Variants in RBM39 observed in about 807,000 individuals in gnomAD.
The protein encoded by RBM39 is RNA-binding protein 39.
In RBM39, 12 loss-of-function variants were observed where a neutral mutation model predicts 79.6. The ratio of observed to expected loss-of-function variants is 0.15; its 90% CI spans 0.10 to 0.24. RBM39 has a LOEUF of 0.24. Among genes scored for constraint, RBM39 ranks in the 10% least tolerant of loss-of-function variants. RBM39 has a pLI of 1.00. For missense variants in RBM39, 243 were observed against 653.4 expected, an observed-to-expected ratio of 0.37 and a Z score of 6.85; for synonymous variants, 185 against 208.4, an observed-to-expected ratio of 0.89 and a Z score of 0.97.
chr20:35,727,648 G>GTTT (rs773616534), intron 6 of RBM39, among the ~76,000 whole-genome samples: 1,971 of 134,486 alleles, frequency 0.015, 65 homozygotes, highest in African/African-American at 0.053. Context: ...GCTAATTTTT[G>GTTT]TATTTTTTTT....
At chr20:35,729,653 A>T (rs1245899622) in intron 4 of RBM39, 126 bp from the exon 5 acceptor site, 38 of 802,730 alleles carry the variant, frequency 4.7e-5, no homozygotes, top group Admixed American at 2.8e-4. Flanking sequence ...TATGAAGAGG[A>T]AACAAAAATA....
rs928712010 is a variant in RBM39 at position 35,712,890 on chromosome 20, C to T, written c.1174+129G>A. On this transcript the variant is annotated intron_variant, in intron 12 of 16. Coordinates refer to ENST00000253363, the MANE Select transcript of RBM39 (RefSeq NM_184234.3). Reference sequence around the variant, plus strand: ...TGTCTCCACTTCCTTAAATAGAAGACTACAAACTAACAGGCTATAAGTACT... The same window carrying T: ...TGTCTCCACTTCCTTAAATAGAAGATTACAAACTAACAGGCTATAAGTACT... 1.3e-4 allele frequency: 89 copies of T among 668,540 alleles called. No homozygotes were observed. The African/African-American group carries it at 1.5e-3, about 11-fold the overall frequency. 41.4% of individuals were successfully genotyped at this position (668,540 alleles called of 1,614,324 possible).
At chr20:35,726,427 G>A (rs1383425825) in intron 6 of RBM39, among the ~76,000 whole-genome samples, 1 of 152,120 alleles carries the variant, frequency 6.6e-6, no homozygotes, top group African/African-American at 2.4e-5. Context: ...CACCACGCCT[G>A]GCCCAAAAAG....
Position 35,742,254 on chromosome 20 carries a change from C to T in RBM39, c.-327G>A, listed in dbSNP as rs1473806409. On this transcript the variant is annotated 5_prime_UTR_variant, in exon 1 of 17. Transcript: ENST00000253363. ...GCTTCCCTGTACTCACATTCACCAG[C>T]ACACATACACACACACAAACACACG... 2 of 153,750 alleles carry T rather than the reference C, an allele frequency of 1.3e-5. No individual in the cohort carries two copies. Among genetic ancestry groups the T allele is most frequent in the South Asian group, 3.6e-4 (2 of 5,514 alleles). 9.5% of individuals were successfully genotyped at this position (153,750 alleles called of 1,614,324 possible).
rs562716961 is a variant in RBM39, at chr20:35,720,526, C to G, written c.825+1214G>C. ...CAGTGGCTCACACCTGTAATCCCAG[C>G]ACTTTAGGAGGCCGAAGCAGATCAC... On this transcript the variant is annotated intron_variant, in intron 9 of 16. Transcript: ENST00000253363. Among the ~76,000 whole-genome samples, 111 of 151,662 alleles carry G rather than the reference C, an allele frequency of 7.3e-4. No individual in the cohort carries two copies. The South Asian group carries it at 0.022, about 30-fold the overall frequency.
At position 35,712,435 on chromosome 20, in the gene RBM39, C is replaced by CAAA. The variant is rs765974114; in HGVS notation, c.1174+581_1174+583dup. On this transcript the variant is annotated intron_variant, in intron 12 of 16. Transcript: ENST00000253363. The stretch of plus-strand genomic sequence containing the variant: ...GCAACAGAGCAAGTCTACTGTTATC[C>CAAA]AAAAAAAAAAAAAAAAAAAAAAAAG... Among the ~76,000 whole-genome samples the CAAA allele has an allele frequency of 6.3e-3, 206 of 32,798 alleles. 2 individuals carry two copies. Among genetic ancestry groups the CAAA allele is most frequent in the African/African-American group, 0.021 (200 of 9,402 alleles). The allele number at this position is 32,798 out of a possible 152,430, so 21.5% of individuals were successfully genotyped here.
At chr20:35,719,260 C>T (rs1394750418) in intron 9 of RBM39, among the ~76,000 whole-genome samples, 2 of 152,060 alleles carry the variant, frequency 1.3e-5, no homozygotes, top group African/African-American at 4.8e-5. Flanking sequence ...TCGAACTCCT[C>T]ACCTCAAGTG....
intron 12 of RBM39, among the ~76,000 whole-genome samples, chr20:35,712,784 A>G (rs575156664): frequency 6.6e-6 from 1 of 152,282 alleles, no homozygotes; most frequent in East Asian, 1.9e-4. Flanking sequence ...ACTTATGTCA[A>G]TGAATTTCGA....
intron 12 of RBM39, among the ~76,000 whole-genome samples, chr20:35,710,109 T>C (rs988266314): frequency 2.6e-5 from 4 of 152,212 alleles, no homozygotes; most frequent in Admixed American, 2.0e-4. Flanking sequence ...GCTATAATGC[T>C]CTCTTGAAGT....
chr20:35,712,980 G>A (rs749600019), intron 12 of RBM39, 39 bp downstream of exon 12: 1 of 1,559,780 alleles, frequency 6.4e-7, no homozygotes. Context: ...CGAATTAGAT[G>A]AAAAAACGAT....
Position 35,714,275 on chromosome 20 carries a change from T to C in RBM39, c.1006A>G (p.Ser336Gly), listed in dbSNP as rs1284927073. The C allele has an allele frequency of 6.2e-7, 1 of 1,613,976 alleles. No homozygotes were observed. The highest frequency in any genetic ancestry group is 8.5e-7 in the Non-Finnish European group (1 of 1,179,984). The change falls in exon 11 of 17, where the codon AGT (serine) becomes GGT (glycine). Residue 336 changes from serine (S) to glycine (G), a missense_variant. Physicochemically the swap from Ser to Gly is moderately conservative, Grantham distance 56. Coordinates refer to ENST00000253363, the MANE Select transcript of RBM39 (RefSeq NM_184234.3). ...VTERTDASSASSFLDSDELER... is the reference protein window; with the variant it reads ...VTERTDASSAGSFLDSDELER... ...AGTTCATCACTGTCCAAAAATGAAC[T>C]AGCACTCGAAGCATCAGTACGTTCA...
intron 4 of RBM39, among the ~76,000 whole-genome samples, chr20:35,730,794 C>A (rs2039278394): frequency 6.6e-6 from 1 of 152,026 alleles, no homozygotes; most frequent in African/African-American, 2.4e-5. Context: ...AGAGAAGTTC[C>A]TAATGTTGTA....
At chr20:35,715,761 G>C (rs1600445909) in intron 10 of RBM39, among the ~76,000 whole-genome samples, 1 of 152,262 alleles carries the variant, frequency 6.6e-6, no homozygotes, top group Non-Finnish European at 1.5e-5. Context: ...CCCCACTGTG[G>C]AAAGTGTGAC....
intron 8 of RBM39, among the ~76,000 whole-genome samples, chr20:35,722,108 T>C (rs1467777460): frequency 6.6e-6 from 1 of 152,060 alleles, no homozygotes; most frequent in Non-Finnish European, 1.5e-5. Context: ...GAGTTACAGC[T>C]TCAAGAGTAC....
At chr20:35,739,371 C>T (rs1423068580) in intron 2 of RBM39, 1 of 471,760 alleles carries the variant, frequency 2.1e-6, no homozygotes, top group African/African-American at 2.0e-5. Context: ...ATTCCATGTG[C>T]TATGGTCCCT....
At chr20:35,719,931 C>G (rs1384373009) in intron 9 of RBM39, 2 of 215,018 alleles carry the variant, frequency 9.3e-6, no homozygotes, top group Non-Finnish European at 2.0e-5. Flanking sequence ...TAGAGGGATG[C>G]GCCACCACAC....
chr20:35,736,392 C>A, intron 3 of RBM39: 1 of 288,528 alleles, frequency 3.5e-6, no homozygotes, highest in South Asian at 3.4e-5. Flanking sequence ...CAAATTATAT[C>A]ATTTTTAATC....
chr20:35,729,087 A>G (rs1410616743), intron 6 of RBM39, among the ~76,000 whole-genome samples: 1 of 151,862 alleles, frequency 6.6e-6, no homozygotes, highest in Non-Finnish European at 1.5e-5. Flanking sequence ...AAATAAATAA[A>G]TAAATAAATA....
In RBM39 at chr20:35,720,589, G is replaced by C. The variant is rs187672518; in HGVS notation, c.825+1151C>G. On this transcript the variant is annotated intron_variant, in intron 9 of 16. Coordinates refer to ENST00000253363, the MANE Select transcript of RBM39 (RefSeq NM_184234.3). ...GTATGAGACCAACTTGGCCAACATGGTAAAGCCCTGTCTCTAAAAAAAAAA... is the reference window on the plus strand; with the variant it reads ...GTATGAGACCAACTTGGCCAACATGCTAAAGCCCTGTCTCTAAAAAAAAAA... 2.3e-3 allele frequency among the ~76,000 whole-genome samples: 341 copies of C among 150,418 alleles called. 1 individual carries two copies. Among genetic ancestry groups the C allele is most frequent in the Non-Finnish European group, 4.0e-3 (268 of 67,714 alleles).
Sources: gnomAD v4.1 joint callset for allele counts (sites outside exome capture counted in the v4.1 genomes callset) on GRCh38, gnomAD v4.1.1 for gene constraint, MANE v1.5 for transcripts, NCBI Gene and HGNC (gene_info 2026-07-23, HGNC 2026-07-21) for gene names.